MCPH1: variants seen among roughly 807,000 people sequenced by gnomAD.
MCPH1 encodes the protein microcephalin 1.
Under a neutral mutation model 84.5 loss-of-function variants are expected in MCPH1, and 104 were observed. The ratio of observed to expected loss-of-function variants is 1.23; its 90% confidence interval spans 1.05 to 1.45. The LOEUF is 1.45. Ranked by LOEUF, MCPH1 falls within the 40% of genes most tolerant of loss-of-function variation. MCPH1 has a pLI of 0.00. For synonymous variants in MCPH1, 514 were observed against 366.8 expected (o/e 1.40, Z -4.58); for missense variants, 1,498 against 1,005.7 (o/e 1.49, Z -6.62).
Position 6,504,148 on chromosome 8 carries a change from C to A in MCPH1, c.2214+4219C>A, listed in dbSNP as rs1329906581. Reference sequence around the variant, plus strand: ...CCTGGCTAACACGGTGAAACCCCGTCTCTACTAAAAATACAAAAAATTAGC... The same window carrying A: ...CCTGGCTAACACGGTGAAACCCCGTATCTACTAAAAATACAAAAAATTAGC... On this transcript the variant is annotated intron_variant, in intron 12 of 13. Coordinates refer to ENST00000344683, the MANE Select transcript of MCPH1 (RefSeq NM_024596.5). Among the ~76,000 whole-genome samples the A allele has an allele frequency of 2.6e-5, 4 of 151,896 alleles. No homozygotes were observed. In the South Asian group the frequency reaches 8.3e-4, roughly 32 times the overall value.
At chr8:6,499,205 C>T (rs1209035322) in intron 11 of MCPH1, among the ~76,000 whole-genome samples, 3 of 152,066 alleles carry the variant, frequency 2.0e-5, no homozygotes, top group African/African-American at 7.2e-5. Context: ...GAGACGGCTG[C>T]AGAACCTCAA....
intron 9 of MCPH1, among the ~76,000 whole-genome samples, chr8:6,461,534 T>G (rs1806299021): frequency 2.0e-5 from 3 of 151,630 alleles, no homozygotes; most frequent in South Asian, 4.2e-4. Context: ...GAGACAGGGT[T>G]TTGCCATGTT....
At chr8:6,465,917 A>G (rs1714345608) in intron 9 of MCPH1, among the ~76,000 whole-genome samples, 1 of 133,692 alleles carries the variant, frequency 7.5e-6, no homozygotes, top group African/African-American at 2.8e-5. Context: ...ACTCAATTTT[A>G]TCTATCGATC....
At chr8:6,433,366 C>A (rs1264212034) in intron 4 of MCPH1, among the ~76,000 whole-genome samples, 3 of 152,182 alleles carry the variant, frequency 2.0e-5, no homozygotes, top group Admixed American at 2.0e-4. Context: ...GATACAGTGG[C>A]TCACACCTGT....
chr8:6,498,587 C>G (rs756731063), intron 11 of MCPH1, among the ~76,000 whole-genome samples: 10 of 152,174 alleles, frequency 6.6e-5, no homozygotes, highest in Non-Finnish European at 1.0e-4. Context: ...ATTCAGTTGA[C>G]TTTTTAATGT....
chr8:6,600,898 G>A (rs755482801), intron 12 of MCPH1, among the ~76,000 whole-genome samples: 7 of 152,166 alleles, frequency 4.6e-5, no homozygotes, highest in African/African-American at 1.4e-4. Context: ...TCTCACCCAG[G>A]AGACGGGAGC....
At position 6,644,548 on chromosome 8, in the gene MCPH1, A is replaced by G. The variant is rs536675412; in HGVS notation, c.*1499A>G. The G allele has an allele frequency of 6.6e-6, 1 of 152,296 alleles. No individual in the cohort carries two copies. The highest frequency in any genetic ancestry group is 2.1e-4 in the South Asian group (1 of 4,826). 9.4% of individuals were successfully genotyped at this position (152,296 alleles called of 1,614,324 possible). A position where few individuals can be genotyped will look rare whatever the true frequency, so the allele number is the denominator to read the frequency against. ...AATCAGCATTTCCAAACACAGTAACATTCAAGCTGAGCACCAAATCAAGAA... is the reference window on the plus strand; with the variant it reads ...AATCAGCATTTCCAAACACAGTAACGTTCAAGCTGAGCACCAAATCAAGAA... On this transcript the variant is annotated 3_prime_UTR_variant, in exon 14 of 14. Transcript: ENST00000344683.
At chr8:6,427,151 A>G (rs565740289) in intron 3 of MCPH1, among the ~76,000 whole-genome samples, 43 of 152,330 alleles carry the variant, frequency 2.8e-4, no homozygotes, top group African/African-American at 1.0e-3. Flanking sequence ...AAGGTAGAGT[A>G]AAAATATGGT....
intron 9 of MCPH1, chr8:6,474,227 T>C: frequency 1.6e-6 from 1 of 633,916 alleles, no homozygotes; most frequent in Non-Finnish European, 2.9e-6. Context: ...ATCATAGTCG[T>C]CATACAATTG....
At position 6,439,010 on chromosome 8, in the gene MCPH1, C is replaced by T; in HGVS notation, c.494C>T (p.Thr165Ile). Residue 165 changes from threonine to isoleucine, a missense_variant, in exon 6 of 14, where the codon ACA becomes ATA. By Grantham distance (89) the Thr-to-Ile change is moderately conservative (BLOSUM62 -1). Transcript: ENST00000344683. ...AATGGTTCATTAATATATACTCCCACAATTGAAATTAATAGTAGGCACCAC... is the reference window on the plus strand; with the variant it reads ...AATGGTTCATTAATATATACTCCCATAATTGAAATTAATAGTAGGCACCAC... ...ESNGSLIYTP[T>I]IEINSRHHSA... is the part of the protein sequence containing the mutation. 1 of 1,609,622 alleles carries T rather than the reference C, an allele frequency of 6.2e-7. No homozygotes were observed. Among genetic ancestry groups the T allele is most frequent in the African/African-American group, 1.3e-5 (1 of 74,904 alleles).
chr8:6,619,569 G>A (rs367604290), intron 12 of MCPH1, among the ~76,000 whole-genome samples: 74 of 152,056 alleles, frequency 4.9e-4, no homozygotes, highest in African/African-American at 1.7e-3. Flanking sequence ...GGGATTACAG[G>A]CGTGAGCCAC....
chr8:6,458,321 A>C (rs1470654111), intron 9 of MCPH1, among the ~76,000 whole-genome samples: 3 of 151,874 alleles, frequency 2.0e-5, no homozygotes, highest in East Asian at 3.9e-4. Context: ...AAATACAAAA[A>C]ATTAGCTGGG....
At chr8:6,467,722 GA>G (rs1807157680) in intron 9 of MCPH1, among the ~76,000 whole-genome samples, 1 of 152,148 alleles carries the variant, frequency 6.6e-6, no homozygotes, top group South Asian at 2.1e-4. Flanking sequence ...TTGGCCTCAT[GA>G]GTAGCTGAGA....
At chr8:6,408,057 T>G (rs1797989241) in intron 1 of MCPH1, among the ~76,000 whole-genome samples, 1 of 152,226 alleles carries the variant, frequency 6.6e-6, no homozygotes, top group South Asian at 2.1e-4. Context: ...CCTGAAATAT[T>G]TACCATCTGT....
At position 6,608,718 on chromosome 8, in the gene MCPH1, G is replaced by A. The variant is rs546496461; in HGVS notation, c.2215-12736G>A. Among the ~76,000 whole-genome samples the A allele has an allele frequency of 3.3e-5, 5 of 152,298 alleles. No homozygotes were observed. In the South Asian group the frequency reaches 1.0e-3, roughly 32 times the overall value. On this transcript the variant is annotated intron_variant, in intron 12 of 13. Coordinates refer to ENST00000344683, the MANE Select transcript of MCPH1 (RefSeq NM_024596.5). Reference sequence around the variant, plus strand: ...AATCAGAATGCTCGGAGTTGGGGCTGCAGCAACTGGAATTGTTTCAAACTC... The same window carrying A: ...AATCAGAATGCTCGGAGTTGGGGCTACAGCAACTGGAATTGTTTCAAACTC...
At chr8:6,409,976 A>ATTTTTTTTTTTTTT (rs34420641) in intron 2 of MCPH1, among the ~76,000 whole-genome samples, 10 of 147,576 alleles carry the variant, frequency 6.8e-5, no homozygotes, top group Admixed American at 2.7e-4. Context: ...GTAGGGAGTA[A>ATTTTTTTTTTTTTT]TTTTTTTTTT....
At chr8:6,413,709 C>G (rs1374230015) in intron 2 of MCPH1, among the ~76,000 whole-genome samples, 11 of 150,398 alleles carry the variant, frequency 7.3e-5, no homozygotes, top group African/African-American at 2.2e-4. Context: ...CTTTAGGATC[C>G]TATTAAAAAA....
At chr8:6,598,296 A>G (rs149110558) in intron 12 of MCPH1, among the ~76,000 whole-genome samples, 5 of 152,170 alleles carry the variant, frequency 3.3e-5, no homozygotes, top group Non-Finnish European at 7.4e-5. Context: ...GCACATGCCA[A>G]GCTTTTCAGA....
intron 9 of MCPH1, among the ~76,000 whole-genome samples, chr8:6,474,680 T>C (rs1311548501): frequency 6.6e-6 from 1 of 152,202 alleles, no homozygotes; most frequent in Non-Finnish European, 1.5e-5. Flanking sequence ...ATAGCTTTTG[T>C]AAGAACATGT....
Sources: allele counts gnomAD v4.1 joint callset (sites outside exome capture counted in the v4.1 genomes callset), GRCh38; gene constraint gnomAD v4.1.1; transcripts MANE v1.5; gene names NCBI Gene and HGNC (gene_info 2026-07-23, HGNC 2026-07-21).